The following EIF2AK1 variants were observed in gnomAD, a reference collection of about 807,000 sequenced individuals.
EIF2AK1 encodes eukaryotic translation initiation factor 2-alpha kinase 1.
EIF2AK1 carries 54 observed loss-of-function variants against 77.9 expected under a neutral mutation model. The observed-to-expected ratio is 0.69, with a 90% confidence interval of 0.56 to 0.87. The LOEUF (loss-of-function observed/expected upper bound fraction) is 0.87, where lower values mean the gene tolerates loss of function less well. Among genes scored for constraint, EIF2AK1 ranks in the 40% least tolerant of loss-of-function variants. The pLI is 0.00. For missense variants in EIF2AK1, 810 were observed against 768.6 expected, an observed-to-expected ratio of 1.05 and a Z score of -0.64; for synonymous variants, 314 against 290.5, an observed-to-expected ratio of 1.08 and a Z score of -0.82.
At chr7:6,056,322 C>A (rs1408500951) in intron 1 of EIF2AK1, among the ~76,000 whole-genome samples, 26 of 130,918 alleles carry the variant, frequency 2.0e-4, no homozygotes, top group African/African-American at 6.9e-4. Context: ...AGGCCGGGTA[C>A]GGTGGCTCAC....
intron 11 of EIF2AK1, among the ~76,000 whole-genome samples, chr7:6,031,972 G>A (rs905308727): frequency 2.0e-5 from 3 of 152,116 alleles, no homozygotes; most frequent in Admixed American, 6.6e-5. Flanking sequence ...TCAGGAGTTC[G>A]AGACCAGCCT....
intron 11 of EIF2AK1, among the ~76,000 whole-genome samples, chr7:6,029,492 T>C (rs1787839446): frequency 6.9e-6 from 1 of 145,550 alleles, no homozygotes; most frequent in Admixed American, 6.9e-5. Context: ...AAACCCTGTC[T>C]CAAAAAAAAA....
At chr7:6,053,848 T>TC (rs1269912799) in intron 2 of EIF2AK1, among the ~76,000 whole-genome samples, 3 of 150,358 alleles carry the variant, frequency 2.0e-5, no homozygotes, top group Non-Finnish European at 4.4e-5. Context: ...TGCATTTTTT[T>TC]TTTAATAGAG....
rs746593448 is a variant in EIF2AK1 at position 6,026,943 on chromosome 7, C to G, written c.1549G>C (p.Gly517Arg). The G allele has an allele frequency of 1.5e-5, 25 of 1,613,874 alleles. No individual in the cohort carries two copies. Among genetic ancestry groups the G allele is most frequent in the African/African-American group, 2.7e-5 (2 of 74,856 alleles). ...YDAKSDMYSL[G>R]VVLLELFQPF... Reference sequence around the variant, plus strand: ...TGAAAGAGCTCTAGCAGGACCACACCCAAGCTGTACATATCTGACTGGAAA... The same window carrying G: ...TGAAAGAGCTCTAGCAGGACCACACGCAAGCTGTACATATCTGACTGGAAA... The change falls in exon 14 of 15, where the codon GGT becomes CGT. Residue 517 changes from glycine to arginine, a missense_variant. This residue lies in a region of EIF2AK1 where 549 missense variants were observed against 533.7 expected (regional missense o/e 1.03). Transcript: ENST00000199389.
chr7:6,024,896 T>C (rs946490563), intron 14 of EIF2AK1, 95 bp from the exon 15 acceptor site: 8 of 975,768 alleles, frequency 8.2e-6, no homozygotes, highest in African/African-American at 1.7e-5. Flanking sequence ...TGGAGTACAG[T>C]GGCATGATCT....
At position 6,024,364 on chromosome 7, in the gene EIF2AK1, C is replaced by A. The variant is rs1302037249; in HGVS notation, c.*309G>T. The stretch of plus-strand genomic sequence containing the variant: ...AGTGACGAGGGCAGGGAGCACACAT[C>A]AATTTCTGCGGTACCTTCTAGAGGA... On this transcript the variant is annotated 3_prime_UTR_variant, in exon 15 of 15. Transcript: ENST00000199389. 31 of 1,165,462 alleles carry A rather than the reference C, an allele frequency of 2.7e-5. No homozygotes were observed. Among genetic ancestry groups the A allele is most frequent in the Admixed American group, 4.8e-5 (1 of 20,934 alleles). 72.2% of individuals were successfully genotyped at this position (1,165,462 alleles called of 1,614,324 possible).
At chr7:6,052,133 C>T (rs1473539084) in intron 2 of EIF2AK1, among the ~76,000 whole-genome samples, 1 of 146,108 alleles carries the variant, frequency 6.8e-6, no homozygotes, top group Non-Finnish European at 1.5e-5. Flanking sequence ...GATCGCACTA[C>T]CGCACTCCAG....
intron 9 of EIF2AK1, among the ~76,000 whole-genome samples, chr7:6,039,588 T>TTCAGC (rs1788233280): frequency 8.3e-6 from 1 of 120,732 alleles, no homozygotes; most frequent in Non-Finnish European, 1.6e-5. Flanking sequence ...ACCATTGCAC[T>TTCAGC]CCAGCCTGGG....
At chr7:6,039,851 C>T (rs553116304) in intron 9 of EIF2AK1, among the ~76,000 whole-genome samples, 2 of 151,516 alleles carry the variant, frequency 1.3e-5, no homozygotes, top group African/African-American at 2.4e-5. Context: ...GCAGGAGAAT[C>T]GCTTGAATCC....
At position 6,023,758 on chromosome 7, in the gene EIF2AK1, A is replaced by G. The variant is rs1787646448; in HGVS notation, c.*915T>C. On this transcript the variant is annotated 3_prime_UTR_variant, in exon 15 of 15. Transcript: ENST00000199389. ...GTGCTCTTTCATGCCTATTATCAGT[A>G]AGGGGACTTGTATTAGAGTCAGAGT... The G allele has an allele frequency of 1.3e-5, 21 of 1,611,448 alleles. No individual in the cohort carries two copies. The highest frequency in any genetic ancestry group is 1.6e-5 in the Non-Finnish European group (19 of 1,178,432).
chr7:6,049,743 CT>C, intron 3 of EIF2AK1, 168 bp downstream of exon 3: 1 of 581,322 alleles, frequency 1.7e-6, no homozygotes, highest in South Asian at 2.3e-5. Context: ...CCATCTCAGC[CT>C]CCCAAAGTGC....
chr7:6,052,171 CAAA>C (rs397779941), intron 2 of EIF2AK1, among the ~76,000 whole-genome samples: 3 of 90,692 alleles, frequency 3.3e-5, no homozygotes, highest in Admixed American at 1.2e-4. Context: ...GACTCCTTAT[CAAA>C]AAAAAAAAAA....
At chr7:6,026,688 C>T in intron 14 of EIF2AK1, 40 bp downstream of exon 14, 10 of 1,561,270 alleles carry the variant, frequency 6.4e-6, no homozygotes, top group Non-Finnish European at 8.8e-6. Flanking sequence ...GCAATAAAAA[C>T]CACCTTCACT....
chr7:6,054,830 G>T, intron 1 of EIF2AK1, 126 bp from the exon 2 acceptor site: 4 of 960,492 alleles, frequency 4.2e-6, no homozygotes, highest in Non-Finnish European at 6.0e-6. Flanking sequence ...CAAAAGAATA[G>T]TTATGCTGAG....
At chr7:6,039,491 G>A (rs1366602353) in intron 9 of EIF2AK1, among the ~76,000 whole-genome samples, 4 of 151,868 alleles carry the variant, frequency 2.6e-5, no homozygotes, top group East Asian at 3.9e-4. Flanking sequence ...GCGTAGTGGC[G>A]CGTGCCTGTA....
At chr7:6,040,208 G>A (rs62456201) in intron 9 of EIF2AK1, among the ~76,000 whole-genome samples, 28,833 of 151,720 alleles carry the variant, frequency 0.19, 3,340 homozygotes, top group Middle Eastern at 0.31. Context: ...GCACAGCATC[G>A]CGCCTGGCTA....
In EIF2AK1 at chr7:6,041,157, G is replaced by T. The variant is rs534434028; in HGVS notation, c.854C>A (p.Thr285Asn). ...SSSSIIFAEP[T>N]PEKEKRFGES... Reference sequence around the variant, plus strand: ...TCCAAAGCGTTTTTCTTTTTCTGGGGTGGGCTCAGCAAAGATAATGGATGA... The same window carrying T: ...TCCAAAGCGTTTTTCTTTTTCTGGGTTGGGCTCAGCAAAGATAATGGATGA... The change falls in exon 9 of 15, where the codon ACC becomes AAC. Residue 285 changes from threonine to asparagine, a missense_variant. Coordinates refer to ENST00000199389, the MANE Select transcript of EIF2AK1 (RefSeq NM_014413.4). 8.7e-6 allele frequency: 14 copies of T among 1,613,756 alleles called. No homozygotes were observed. Among genetic ancestry groups the T allele is most frequent in the Non-Finnish European group, 1.1e-5 (13 of 1,180,016 alleles).
intron 1 of EIF2AK1, among the ~76,000 whole-genome samples, chr7:6,056,612 AAAT>A (rs1277616773): frequency 1.1e-5 from 1 of 94,354 alleles, no homozygotes; most frequent in South Asian, 3.1e-4. Context: ...AAAAAAAAAA[AAAT>A]ATATATATAT....
intron 11 of EIF2AK1, 76 bp downstream of exon 11, chr7:6,037,343 ATTTAG>A (rs1437800417): frequency 1.0e-5 from 9 of 867,238 alleles, no homozygotes; most frequent in Non-Finnish European, 1.7e-5. Context: ...ATGTAATCTT[ATTTAG>A]TTTAATCAAC....
Sources: gnomAD v4.1 joint callset for allele counts (sites outside exome capture counted in the v4.1 genomes callset) on GRCh38, gnomAD v4.1.1 for gene constraint, gnomAD v4.1.1 regional missense constraint, MANE v1.5 for transcripts, NCBI Gene and HGNC (gene_info 2026-07-23, HGNC 2026-07-21) for gene names.